Variants in LRP12 observed in about 807,000 individuals in gnomAD.
The protein encoded by LRP12 is LDL receptor related protein 12.
Under a neutral mutation model 66.0 loss-of-function variants are expected in LRP12, and 14 were observed. That is an observed-to-expected ratio of 0.21 (90% CI 0.14 to 0.33). LRP12 has a LOEUF of 0.33. Among genes scored for constraint, LRP12 ranks in the 10% least tolerant of loss-of-function variants. LRP12 has a pLI of 1.00. For synonymous variants in LRP12, 357 were observed against 359.1 expected (o/e 0.99, Z 0.07); for missense variants, 889 against 1,053.4 (o/e 0.84, Z 2.16).
intron 1 of LRP12, among the ~76,000 whole-genome samples, chr8:104,553,248 G>A (rs916711509): frequency 6.6e-6 from 1 of 152,198 alleles, no homozygotes; most frequent in African/African-American, 2.4e-5. Flanking sequence ...GGGGGAAAAT[G>A]GGGAGTGCAG....
intron 2 of LRP12, among the ~76,000 whole-genome samples, chr8:104,527,993 G>A (rs1454831898): frequency 6.6e-6 from 1 of 152,080 alleles, no homozygotes; most frequent in African/African-American, 2.4e-5. Context: ...TAAATGAATT[G>A]AATTCATTGC....
At chr8:104,498,147 A>T (rs1360305965) in intron 4 of LRP12, 71 bp from the exon 5 acceptor site, 1 of 1,338,382 alleles carries the variant, frequency 7.5e-7, no homozygotes, top group African/African-American at 1.5e-5. Flanking sequence ...GACATAAAAC[A>T]GCAAGTGATA....
rs377712184 is a variant in LRP12 at position 104,498,047 on chromosome 8, C to G, written c.505G>C (p.Asp169His). The G allele has an allele frequency of 1.2e-6, 2 of 1,603,648 alleles. No homozygotes were observed. Among genetic ancestry groups the G allele is most frequent in the Non-Finnish European group, 1.7e-6 (2 of 1,174,252 alleles). Residue 169 changes from aspartate to histidine, a missense_variant, in exon 5 of 7, where the codon GAT becomes CAT. This residue lies in a region of LRP12 where 800 missense variants were observed against 964.5 expected (regional missense o/e 0.83). Coordinates refer to ENST00000276654, the MANE Select transcript of LRP12 (RefSeq NM_013437.5). Reference sequence around the variant, plus strand: ...TTTCCATTACCACAACGAAACTGATCACAAGCACAATTTGGTTCCTCAGAT... The same window carrying G: ...TTTCCATTACCACAACGAAACTGATGACAAGCACAATTTGGTTCCTCAGAT... Reference protein sequence around the residue: ...GKSEEPNCACDQFRCGNGKCI... With the variant: ...GKSEEPNCACHQFRCGNGKCI...
At chr8:104,577,569 G>T (rs145802926) in intron 1 of LRP12, among the ~76,000 whole-genome samples, 6,152 of 152,200 alleles carry the variant, frequency 0.04, 186 homozygotes, top group South Asian at 0.075. Context: ...CCACCACTTT[G>T]GGAGGCCAAG....
chr8:104,551,007 A>G (rs1221687556), intron 1 of LRP12, among the ~76,000 whole-genome samples: 1 of 152,104 alleles, frequency 6.6e-6, no homozygotes, highest in Non-Finnish European at 1.5e-5. Flanking sequence ...TCCATGTGTT[A>G]AGAGTCTCTA....
intron 1 of LRP12, among the ~76,000 whole-genome samples, chr8:104,585,986 T>C (rs1812324347): frequency 6.6e-6 from 1 of 152,220 alleles, no homozygotes; most frequent in African/African-American, 2.4e-5. Context: ...ACAGTAAGCC[T>C]AGGACAATGC....
chr8:104,567,355 C>T (rs1812021395), intron 1 of LRP12, among the ~76,000 whole-genome samples: 1 of 152,044 alleles, frequency 6.6e-6, no homozygotes, highest in Non-Finnish European at 1.5e-5. Flanking sequence ...AGTGGAAACC[C>T]CTCATAAACA....
chr8:104,547,450 T>C (rs185965422), intron 1 of LRP12, among the ~76,000 whole-genome samples: 3,453 of 132,738 alleles, frequency 0.026, 46 homozygotes, highest in Non-Finnish European at 0.041. Flanking sequence ...ATTTTGTATA[T>C]AATATATAAT....
At chr8:104,576,164 T>C (rs560748571) in intron 1 of LRP12, among the ~76,000 whole-genome samples, 60 of 152,234 alleles carry the variant, frequency 3.9e-4, no homozygotes, top group African/African-American at 1.3e-3. Context: ...CTGAAAGAGA[T>C]GGGGAAAATG....
chr8:104,583,834 A>T (rs1321478669), intron 1 of LRP12, among the ~76,000 whole-genome samples: 1 of 152,218 alleles, frequency 6.6e-6, no homozygotes, highest in Non-Finnish European at 1.5e-5. Flanking sequence ...ATTAATTGGC[A>T]ATAAATAAAG....
chr8:104,518,511 T>C (rs147211770), intron 2 of LRP12, among the ~76,000 whole-genome samples: 171 of 152,178 alleles, frequency 1.1e-3, no homozygotes, highest in African/African-American at 3.9e-3. Flanking sequence ...GCCGTTTCAA[T>C]AGCATTTAAA....
intron 3 of LRP12, 195 bp downstream of exon 3, chr8:104,508,744 T>C: frequency 4.0e-6 from 2 of 495,266 alleles, no homozygotes; most frequent in Admixed American, 3.3e-5. Flanking sequence ...TTACCACCCT[T>C]AGAAAATACT....
intron 2 of LRP12, among the ~76,000 whole-genome samples, chr8:104,510,193 TA>T (rs1433495053): frequency 6.6e-6 from 1 of 152,236 alleles, no homozygotes; most frequent in African/African-American, 2.4e-5. Flanking sequence ...TAAATAAGCC[TA>T]ACAGTAAGAT....
Position 104,588,826 on chromosome 8 carries a change from C to T in LRP12, c.72G>A (p.Gly24=), listed in dbSNP as rs1252666927. Residue 24 remains glycine, a synonymous_variant, in exon 1 of 7, where the codon GGG becomes GGA. Coordinates refer to ENST00000276654, the MANE Select transcript of LRP12 (RefSeq NM_013437.5). ...GGGGACGCGGACACTTACCGTACAC[C>T]CCAGCGAGGAAAAGCAAGAGCAACG... The part of the protein sequence containing the change: ...RSALLLLFLA[G]VYGNGALAEH... 3.7e-6 allele frequency: 6 copies of T among 1,612,452 alleles called. No individual in the cohort carries two copies. The highest frequency in any genetic ancestry group is 5.1e-6 in the Non-Finnish European group (6 of 1,179,374).
intron 1 of LRP12, among the ~76,000 whole-genome samples, chr8:104,554,233 A>T (rs1811769741): frequency 6.6e-6 from 1 of 152,210 alleles, no homozygotes. Context: ...CACCCCCAAA[A>T]GATCACACTA....
chr8:104,553,505 C>T lies in LRP12; in HGVS notation c.80-21542G>A, dbSNP rs1278162851. On this transcript the variant is annotated intron_variant, in intron 1 of 6. Coordinates refer to ENST00000276654, the MANE Select transcript of LRP12 (RefSeq NM_013437.5). ...TTCCCTGGCGACCTGTATGATACAG[C>T]AGAGGCAGCCATAATCCTCCTGGGT... is the stretch of plus-strand genomic sequence containing the variant. 4.6e-5 allele frequency among the ~76,000 whole-genome samples: 7 copies of T among 152,132 alleles called. No homozygotes were observed. In the East Asian group the frequency reaches 1.3e-3, roughly 29 times the overall value.
At position 104,589,253 on chromosome 8, in the gene LRP12, C is replaced by T. The variant is rs1321931707; in HGVS notation, c.-356G>A. On this transcript the variant is annotated 5_prime_UTR_variant, in exon 1 of 7. Transcript: ENST00000276654. ...CGGGCTAGCCGGCGCCGCCACTCGC[C>T]AGACTGAGCGCGCGCCCATCCGTGC... is the stretch of plus-strand genomic sequence containing the variant. Among the ~76,000 whole-genome samples the T allele has an allele frequency of 2.0e-5, 3 of 151,948 alleles. No individual in the cohort carries two copies. The highest frequency in any genetic ancestry group is 7.2e-5 in the African/African-American group (3 of 41,418).
intron 1 of LRP12, among the ~76,000 whole-genome samples, chr8:104,535,092 G>A (rs1447542420): frequency 6.6e-6 from 1 of 150,438 alleles, no homozygotes; most frequent in African/African-American, 2.4e-5. Flanking sequence ...ATTATGTAAT[G>A]AACCAGTTAA....
chr8:104,546,943 T>C (rs985413031), intron 1 of LRP12, among the ~76,000 whole-genome samples: 1 of 144,766 alleles, frequency 6.9e-6, no homozygotes, highest in Non-Finnish European at 1.5e-5. Context: ...TTATATTTTG[T>C]ATATAATATA....
Sources: gnomAD v4.1 joint callset for allele counts (sites outside exome capture counted in the v4.1 genomes callset) on GRCh38, gnomAD v4.1.1 for gene constraint, gnomAD v4.1.1 regional missense constraint, MANE v1.5 for transcripts, NCBI Gene and HGNC (gene_info 2026-07-23, HGNC 2026-07-21) for gene names.